HDAC3: variants seen among roughly 807,000 people sequenced by gnomAD.
HDAC3 encodes SMAP45.
HDAC3 carries 21 observed loss-of-function variants against 62.3 expected under a neutral mutation model. That is an observed-to-expected ratio of 0.34 (90% CI 0.24 to 0.49). HDAC3 has a LOEUF of 0.49. Ranked by LOEUF, HDAC3 falls within the 20% of genes least tolerant of loss-of-function variation. The pLI is 0.99. For synonymous variants in HDAC3, 198 were observed against 206.5 expected (o/e 0.96, Z 0.35); for missense variants, 270 against 556.9 (o/e 0.48, Z 5.19).
chr5:141,627,743 T>C, intron 10 of HDAC3, 150 bp downstream of exon 10: 1 of 717,468 alleles, frequency 1.4e-6, no homozygotes, highest in East Asian at 2.6e-5. Context: ...GGGAACCCTG[T>C]TCAAGATGAC....
chr5:141,630,010 A>G, intron 4 of HDAC3, 34 bp downstream of exon 4: 1 of 1,613,100 alleles, frequency 6.2e-7, no homozygotes, highest in Non-Finnish European at 8.5e-7. Flanking sequence ...AGGGATCCAG[A>G]GGAAAGGAAG....
At position 141,629,095 on chromosome 5, in the gene HDAC3, G is replaced by A. The variant is rs187067005; in HGVS notation, c.610+78C>T. 2.0e-3 allele frequency: 2,904 copies of A among 1,474,114 alleles called. 6 individuals are homozygous for A. The highest frequency in any genetic ancestry group is 2.2e-3 in the Non-Finnish European group (2,382 of 1,071,084). The allele number at this position is 1,474,114 out of a possible 1,614,324, so 91.3% of individuals were successfully genotyped here. The stretch of plus-strand genomic sequence containing the variant: ...TCTGAGGAGGGGACACCTGAGATGA[G>A]ACTAGAAGGCTGAGAAGGAGGCACT... On this transcript the variant is annotated intron_variant, in intron 7 of 14. Transcript: ENST00000305264. The surrounding 1 kb of genome is among the most constrained non-coding windows in gnomAD (Gnocchi z 5.3).
Position 141,629,719 on chromosome 5 carries a change from G to C in HDAC3, c.441C>G (p.Val147=), listed in dbSNP as rs770647132. 1 of 1,614,126 alleles carries C rather than the reference G, an allele frequency of 6.2e-7. No homozygotes were observed. The highest frequency in any genetic ancestry group is 8.5e-7 in the Non-Finnish European group (1 of 1,180,020). The change falls in exon 6 of 15, where the codon GTC becomes GTG. Residue 147 remains valine (V), a synonymous_variant. Transcript: ENST00000305264. This position sits in a 1 kb window ranked among gnomAD's most constrained non-coding sequence, Gnocchi z 5.3. ...KKFEASGFCY[V]NDIVIGILEL... is the part of the protein sequence containing the mutation. The stretch of plus-strand genomic sequence containing the variant: ...CCAGGATGCCAATCACAATGTCGTT[G>C]ACATAGCAGAAGCCAGAGGCCTATG...
In HDAC3 at chr5:141,629,627, G is replaced by C; in HGVS notation, c.476+57C>G. On this transcript the variant is annotated intron_variant, in intron 6 of 14. Coordinates refer to ENST00000305264, the MANE Select transcript of HDAC3 (RefSeq NM_003883.4). The surrounding 1 kb of genome is among the most constrained non-coding windows in gnomAD (Gnocchi z 5.3). ...AGGTCAAGGTCAGGGTTGAGACTGA[G>C]AGACCTCCTCAGCCAAGAATCCCGT... The C allele has an allele frequency of 3.2e-6, 5 of 1,553,478 alleles. No individual in the cohort carries two copies. The highest frequency in any genetic ancestry group is 1.7e-5 in the Admixed American group (1 of 59,816).
Position 141,625,039 on chromosome 5 carries a change from A to G in HDAC3, c.1217+169T>C. The G allele has an allele frequency of 1.4e-6, 1 of 689,786 alleles. No homozygotes were observed. Among genetic ancestry groups the G allele is most frequent in the South Asian group, 2.1e-5 (1 of 47,670 alleles). The allele number at this position is 689,786 out of a possible 1,614,324, so 42.7% of individuals were successfully genotyped here. ...GCTGTTTTAAAATTTTGCAATAAATACGTGTTACTTTTGTCATTAAAAATA... is the reference window on the plus strand; with the variant it reads ...GCTGTTTTAAAATTTTGCAATAAATGCGTGTTACTTTTGTCATTAAAAATA... On this transcript the variant is annotated intron_variant, in intron 14 of 14. Coordinates refer to ENST00000305264, the MANE Select transcript of HDAC3 (RefSeq NM_003883.4). This position sits in a 1 kb window ranked among gnomAD's most constrained non-coding sequence, Gnocchi z 4.0.
chr5:141,629,486 A>C lies in HDAC3; in HGVS notation c.477-180T>G. 1.1e-6 allele frequency: 1 copy of C among 930,720 alleles called. No homozygotes were observed. Among genetic ancestry groups the C allele is most frequent in the Non-Finnish European group, 1.6e-6 (1 of 610,664 alleles). 57.7% of individuals were successfully genotyped at this position (930,720 alleles called of 1,614,324 possible). On this transcript the variant is annotated intron_variant, in intron 6 of 14. Transcript: ENST00000305264. This position sits in a 1 kb window ranked among gnomAD's most constrained non-coding sequence, Gnocchi z 5.3. ...CCTAGAGGCTAGAGGCAGGGACAGGAGAGGGATATGCAGAGAAGGCTGAAA... is the reference window on the plus strand; with the variant it reads ...CCTAGAGGCTAGAGGCAGGGACAGGCGAGGGATATGCAGAGAAGGCTGAAA...
In HDAC3 at chr5:141,634,865, G is replaced by C; in HGVS notation, c.227C>G (p.Thr76Ser). The part of the protein sequence containing the change: ...YIDFLQRVSP[T>S]NMQGFTKSLN... ...ACTCTTGGTGAAGCCTTGCATATTG[G>C]TGGGGCTGACTCTCTGCAGGAAGTC... is the stretch of plus-strand genomic sequence containing the variant. The change falls in exon 3 of 15, where the codon ACC (threonine) becomes AGC (serine). Residue 76 changes from threonine (T) to serine (S), a missense_variant. Physicochemically the swap from Thr to Ser is moderately conservative, Grantham distance 58. Around this residue, in one of 5 missense-constraint regions of HDAC3, gnomAD observed 32 missense variants for 37.4 expected, o/e 0.86. Transcript: ENST00000305264. 1 of 1,614,060 alleles carries C rather than the reference G, an allele frequency of 6.2e-7. No individual in the cohort carries two copies. Among genetic ancestry groups the C allele is most frequent in the Non-Finnish European group, 8.5e-7 (1 of 1,179,988 alleles).
chr5:141,629,778 T>C lies in HDAC3; in HGVS notation c.421-39A>G. ...GTGGTCTCATAAAGAGAAGAGCAAT[T>C]CCCCTCCCAGCTGCCCCCCACCATC... On this transcript the variant is annotated intron_variant, in intron 5 of 14. Coordinates refer to ENST00000305264, the MANE Select transcript of HDAC3 (RefSeq NM_003883.4). This position sits in a 1 kb window ranked among gnomAD's most constrained non-coding sequence, Gnocchi z 5.3. 1.2e-6 allele frequency: 2 copies of C among 1,612,608 alleles called. No homozygotes were observed. The highest frequency in any genetic ancestry group is 1.7e-6 in the Non-Finnish European group (2 of 1,178,734).
Position 141,621,423 on chromosome 5 carries a change from A to G in HDAC3, c.*45T>C, listed in dbSNP as rs1281032814. 2 of 1,561,134 alleles carry G rather than the reference A, an allele frequency of 1.3e-6. No individual in the cohort carries two copies. The highest frequency in any genetic ancestry group is 1.1e-5 in the South Asian group (1 of 90,044). On this transcript the variant is annotated 3_prime_UTR_variant, in exon 15 of 15. Coordinates refer to ENST00000305264, the MANE Select transcript of HDAC3 (RefSeq NM_003883.4). ...ACTCCTTTTCCCTCCAGCCCAACCAAGAGGTGAAAAGAAATTCCTTGGGAC... is the reference window on the plus strand; with the variant it reads ...ACTCCTTTTCCCTCCAGCCCAACCAGGAGGTGAAAAGAAATTCCTTGGGAC...
At chr5:141,633,824 T>TC (rs2099905583) in intron 3 of HDAC3, among the ~76,000 whole-genome samples, 1 of 60,430 alleles carries the variant, frequency 1.7e-5, no homozygotes, top group Non-Finnish European at 2.8e-5. Flanking sequence ...AGACTCTGTC[T>TC]CAAAAAAAAA....
Position 141,621,175 on chromosome 5 carries a change from A to C in HDAC3, c.*293T>G. 1 of 342,244 alleles carries C rather than the reference A, an allele frequency of 2.9e-6. No individual in the cohort carries two copies. Among genetic ancestry groups the C allele is most frequent in the Non-Finnish European group, 5.4e-6 (1 of 185,498 alleles). The allele number at this position is 342,244 out of a possible 1,614,324, so 21.2% of individuals were successfully genotyped here. A position where few individuals can be genotyped will look rare whatever the true frequency, so the allele number is the denominator to read the frequency against. On this transcript the variant is annotated 3_prime_UTR_variant, in exon 15 of 15. Coordinates refer to ENST00000305264, the MANE Select transcript of HDAC3 (RefSeq NM_003883.4). ...TCTCTGGGTTCGAGGGAAGCAGGGA[A>C]GAAATAAGGGGCAAGGGGGGCTAGG...
Position 141,626,350 on chromosome 5 carries a change from A to ATTTACC in HDAC3, c.831-68_831-67insGGTAAA. ...AAAGACAAGGTAAATACCTTTAGGT[A>ATTTACC]TTGCCTGAAAGGAGCACAAGAAAAC... On this transcript the variant is annotated intron_variant, in intron 10 of 14. Transcript: ENST00000305264. This position sits in a 1 kb window ranked among gnomAD's most constrained non-coding sequence, Gnocchi z 4.6. 8.4e-7 allele frequency: 1 copy of ATTTACC among 1,187,640 alleles called. No individual in the cohort carries two copies. The highest frequency in any genetic ancestry group is 1.2e-6 in the Non-Finnish European group (1 of 801,484). 73.6% of individuals were successfully genotyped at this position (1,187,640 alleles called of 1,614,324 possible).
intron 3 of HDAC3, among the ~76,000 whole-genome samples, chr5:141,632,321 G>A (rs2099905343): frequency 1.3e-5 from 2 of 152,086 alleles, no homozygotes; most frequent in African/African-American, 2.4e-5. Flanking sequence ...CACTGCGCCC[G>A]GCTTGGGACT....
chr5:141,622,136 G>A (rs1416991891), intron 14 of HDAC3, among the ~76,000 whole-genome samples: 1 of 152,170 alleles, frequency 6.6e-6, no homozygotes, highest in Non-Finnish European at 1.5e-5. Context: ...GGGCTAGCAT[G>A]CAGGACCTTT....
chr5:141,633,479 T>C (rs1269020861), intron 3 of HDAC3, among the ~76,000 whole-genome samples: 1 of 152,142 alleles, frequency 6.6e-6, no homozygotes, highest in Non-Finnish European at 1.5e-5. Context: ...ATATAACATC[T>C]AGGATCTGCT....
At chr5:141,630,638 AT>A (rs1214231042) in intron 3 of HDAC3, among the ~76,000 whole-genome samples, 2 of 152,218 alleles carry the variant, frequency 1.3e-5, no homozygotes, top group Non-Finnish European at 2.9e-5. Flanking sequence ...AATTATTACC[AT>A]TGTTATTCTT....
chr5:141,634,548 C>T (rs1453087262), intron 3 of HDAC3, among the ~76,000 whole-genome samples: 2 of 152,228 alleles, frequency 1.3e-5, no homozygotes, highest in Middle Eastern at 3.2e-3. Flanking sequence ...CTCTCATAAT[C>T]TGTCATACAC....
In HDAC3 at chr5:141,629,484, G is replaced by A; in HGVS notation, c.477-178C>T. 9.6e-6 allele frequency: 9 copies of A among 941,848 alleles called. No individual in the cohort carries two copies. The highest frequency in any genetic ancestry group is 1.5e-5 in the Non-Finnish European group (9 of 620,602). The allele number at this position is 941,848 out of a possible 1,614,324, so 58.3% of individuals were successfully genotyped here. On this transcript the variant is annotated intron_variant, in intron 6 of 14. Transcript: ENST00000305264. The surrounding 1 kb of genome is among the most constrained non-coding windows in gnomAD (Gnocchi z 5.3). ...AGCCTAGAGGCTAGAGGCAGGGACAGGAGAGGGATATGCAGAGAAGGCTGA... is the reference window on the plus strand; with the variant it reads ...AGCCTAGAGGCTAGAGGCAGGGACAAGAGAGGGATATGCAGAGAAGGCTGA...
At chr5:141,622,327 C>T (rs1031011742) in intron 14 of HDAC3, among the ~76,000 whole-genome samples, 5 of 152,288 alleles carry the variant, frequency 3.3e-5, no homozygotes, top group African/African-American at 1.2e-4. Flanking sequence ...TCTCAAAAGC[C>T]GGGCGTGGTA....
Sources: allele counts gnomAD v4.1 joint callset (sites outside exome capture counted in the v4.1 genomes callset), GRCh38; gene constraint gnomAD v4.1.1; regional missense constraint gnomAD v4.1.1; non-coding constraint Gnocchi (gnomAD v3.1); transcripts MANE v1.5; gene names NCBI Gene and HGNC (gene_info 2026-07-23, HGNC 2026-07-21).